Variants in HDAC6 observed in about 807,000 individuals in gnomAD.
HDAC6 encodes protein deacetylase HDAC6.
A neutral mutation model predicts 88.9 loss-of-function variants in HDAC6; 5 were observed. The observed-to-expected ratio is 0.06, with a 90% CI of 0.03 to 0.12. The LOEUF is 0.12. Ranked by LOEUF, HDAC6 falls within the 10% of genes least tolerant of loss-of-function variation. The pLI is 1.00. For synonymous variants in HDAC6, 378 were observed against 398.0 expected, an observed-to-expected ratio of 0.95 and a Z score of 0.60; for missense variants, 706 against 1,014.4, an observed-to-expected ratio of 0.70 and a Z score of 4.13.
chrX:48,823,640 C>T (rs1557031207), intron 25 of HDAC6, 32 bp from the exon 26 acceptor site: 1 of 1,194,970 alleles, frequency 8.4e-7, no homozygotes, highest in Non-Finnish European at 1.1e-6. Flanking sequence ...AATCGGGCTT[C>T]TCTGATACAT....
intron 25 of HDAC6, 32 bp downstream of exon 25, chrX:48,823,620 A>C (rs376434799): frequency 8.4e-7 from 1 of 1,192,559 alleles, no homozygotes; most frequent in Non-Finnish European, 1.1e-6. Context: ...TAGGGGCAAG[A>C]AGGGGCAAGA....
intron 12 of HDAC6, 27 bp downstream of exon 12, chrX:48,814,767 A>T: frequency 8.3e-7 from 1 of 1,209,229 alleles, no homozygotes; most frequent in Non-Finnish European, 1.1e-6. Flanking sequence ...GTGTGTTGGG[A>T]GGAGGAGTGG....
chrX:48,824,647 C>T lies in HDAC6; in HGVS notation c.*35C>T, dbSNP rs1557031868. ...TACGGTCCCTCTTCACCTTCTGAGGCCCACGATAGACCAGCTGTAGCTCAT... is the reference window on the plus strand; with the variant it reads ...TACGGTCCCTCTTCACCTTCTGAGGTCCACGATAGACCAGCTGTAGCTCAT... On this transcript the variant is annotated 3_prime_UTR_variant, in exon 29 of 29. Transcript: ENST00000334136. 1 of 1,200,154 alleles carries T rather than the reference C, an allele frequency of 8.3e-7. No individual in the cohort carries two copies. The highest frequency in any genetic ancestry group is 2.2e-5 in the Admixed American group (1 of 45,389).
intron 10 of HDAC6, among the ~76,000 whole-genome samples, chrX:48,811,550 A>G (rs1365565122): frequency 8.9e-6 from 1 of 112,197 alleles, no homozygotes; most frequent in Non-Finnish European, 1.9e-5. Context: ...GAATGGGGAC[A>G]GGGAATGTCC....
intron 13 of HDAC6, 28 bp from the exon 14 acceptor site, chrX:48,814,934 G>GCCAGGCTGAC: frequency 8.3e-7 from 1 of 1,210,027 alleles, no homozygotes; most frequent in Non-Finnish European, 1.1e-6. Flanking sequence ...GTTGCATGGA[G>GCCAGGCTGAC]CCAGGCTGAC....
chrX:48,805,560 G>A (rs1400205786), intron 5 of HDAC6, 38 bp downstream of exon 5: 3 of 1,182,126 alleles, frequency 2.5e-6, no homozygotes. Context: ...TGAAGGGCAG[G>A]GAGCTGACCT....
chrX:48,813,650 C>A (rs1225999373), intron 10 of HDAC6: 2 of 112,252 alleles, frequency 1.8e-5, no homozygotes. Flanking sequence ...TCTGTCAAAA[C>A]ACGTGCATCG....
chrX:48,806,897 A>G, intron 8 of HDAC6, 191 bp downstream of exon 8: 1 of 356,943 alleles, frequency 2.8e-6, no homozygotes, highest in Non-Finnish European at 4.8e-6. Context: ...TAGTCATTGG[A>G]ACCACTGACT....
At chrX:48,806,522 A>G in intron 7 of HDAC6, 58 bp downstream of exon 7, 1 of 1,061,581 alleles carries the variant, frequency 9.4e-7, no homozygotes, top group South Asian at 1.9e-5. Context: ...CCCCATCCCT[A>G]TGCCCACCCC....
intron 6 of HDAC6, 22 bp from the exon 7 acceptor site, chrX:48,806,346 C>G: frequency 1.9e-6 from 2 of 1,032,720 alleles, no homozygotes; most frequent in Non-Finnish European, 2.7e-6. Context: ...GGCCCTGAAT[C>G]TCATCTCCCA....
At chrX:48,801,921 G>A, upstream of HDAC6, 1 of 972,318 alleles carries the variant, frequency 1.0e-6, no homozygotes, top group Non-Finnish European at 1.3e-6. Flanking sequence ...TTTGAGAAAG[G>A]GGCTGCGTCC....
At position 48,823,460 on chromosome X, in the gene HDAC6, ACTC is replaced by A. The variant is rs782642002; in HGVS notation, c.3065_3067del (p.Pro1022del). On this transcript the variant is annotated inframe_deletion, in exon 25 of 29. Transcript: ENST00000334136. ...TCCAGGGGGCACCGAGCTGATCCAA[ACTC>A]CTCTAGCCTCGAGCACAGACCACCA... is the stretch of plus-strand genomic sequence containing the variant. 12 of 1,208,275 alleles carry A rather than the reference ACTC, an allele frequency of 9.9e-6. No homozygotes were observed. The highest frequency in any genetic ancestry group is 5.9e-5 in the East Asian group (2 of 33,736).
In HDAC6 at chrX:48,823,608, G is replaced by C. The variant is rs1213971835; in HGVS notation, c.3189+20G>C. The C allele has an allele frequency of 8.3e-7, 1 of 1,198,534 alleles. No homozygotes were observed. Among genetic ancestry groups the C allele is most frequent in the Non-Finnish European group, 1.1e-6 (1 of 887,017 alleles). ...TCTCAGGTAAGGCTCACCACACCCA[G>C]GTAGGGGCAAGAAGGGGCAAGAATC... On this transcript the variant is annotated intron_variant, in intron 25 of 28. Transcript: ENST00000334136.
chrX:48,815,639 T>C lies in HDAC6; in HGVS notation c.1321T>C (p.Ser441Pro). The C allele has an allele frequency of 5.8e-6, 7 of 1,207,786 alleles. No homozygotes were observed. The highest frequency in any genetic ancestry group is 6.7e-6 in the Non-Finnish European group (6 of 892,377). Residue 441 changes from serine to proline, a missense_variant, in exon 16 of 29, where the codon TCA becomes CCA. Transcript: ENST00000334136. ...LEPFWEVLVR[S>P]TETVERDNME... ...GCCCTTCTGGGAGGTTCTTGTGAGA[T>C]CAAGTAGGAAGTGGGGTGTGGGCCT...
chrX:48,816,423 C>A, intron 18 of HDAC6, 42 bp from the exon 19 acceptor site: 1 of 1,156,981 alleles, frequency 8.6e-7, no homozygotes, highest in Non-Finnish European at 1.2e-6. Flanking sequence ...AGGGGACAGA[C>A]CCTCCTCACT....
At position 48,805,633 on chromosome X, in the gene HDAC6, C is replaced by G. The variant is rs2062804814; in HGVS notation, c.399C>G (p.Ala133=). 1 of 1,182,102 alleles carries G rather than the reference C, an allele frequency of 8.5e-7. No homozygotes were observed. Among genetic ancestry groups the G allele is most frequent in the South Asian group, 1.9e-5 (1 of 53,578 alleles). ...CTTTATTCCTCATCTCTCCCCAGGC[C>G]CGGTTTGCTGAAAAGGAAGAGCTGA... is the stretch of plus-strand genomic sequence containing the variant. ...GLLDRCVSFQ[A]RFAEKEELML... Residue 133 remains alanine (A), a splice_region_variant and synonymous_variant, in exon 6 of 29, where the codon GCC becomes GCG. Transcript: ENST00000334136.
At chrX:48,806,565 G>C (rs2062821040) in intron 7 of HDAC6, 44 bp from the exon 8 acceptor site, 3 of 1,099,150 alleles carry the variant, frequency 2.7e-6, no homozygotes, top group South Asian at 1.9e-5. Context: ...GGATAGGGCT[G>C]TTCTCTCCCT....
rs1405174800 is a variant in HDAC6 at position 48,820,260 on chromosome X, C to T, written c.2337+5C>T. 4.3e-6 allele frequency: 5 copies of T among 1,169,353 alleles called. No homozygotes were observed. Among genetic ancestry groups the T allele is most frequent in the Non-Finnish European group, 5.7e-6 (5 of 873,540 alleles). On this transcript the variant is annotated splice_donor_5th_base_variant and intron_variant, in intron 23 of 28. Transcript: ENST00000334136. ...CGCATTATCCTTATCCTAGAGGTAACTTTCTCTTGGTCCCTCTTCCCACAG... is the reference window on the plus strand; with the variant it reads ...CGCATTATCCTTATCCTAGAGGTAATTTTCTCTTGGTCCCTCTTCCCACAG...
At chrX:48,810,420 A>G (rs1371957236) in intron 10 of HDAC6, among the ~76,000 whole-genome samples, 1 of 110,857 alleles carries the variant, frequency 9.0e-6, no homozygotes, top group Non-Finnish European at 1.9e-5. Context: ...TCTGTTTAAT[A>G]GTAGGTAGAC....
Sources: gnomAD v4.1 joint callset for allele counts (sites outside exome capture counted in the v4.1 genomes callset) on GRCh38, gnomAD v4.1.1 for gene constraint, MANE v1.5 for transcripts, NCBI Gene and HGNC (gene_info 2026-07-23, HGNC 2026-07-21) for gene names.